The following PCNX1 variants were observed in gnomAD, a reference collection of about 807,000 sequenced individuals.
PCNX1 encodes the protein pecanex 1.
In PCNX1, 78 loss-of-function variants were observed where a neutral mutation model predicts 242.2. The observed-to-expected ratio is 0.32, with a 90% CI of 0.27 to 0.39. The LOEUF is 0.39. Ranked by LOEUF, PCNX1 falls within the 10% of genes least tolerant of loss-of-function variation. The pLI, the probability that PCNX1 is intolerant of heterozygous loss-of-function variation, is 1.00. For synonymous variants in PCNX1, 1,024 were observed against 1,032.9 expected (o/e 0.99, Z 0.17); for missense variants, 2,581 against 2,856.5 (o/e 0.90, Z 2.20).
intron 28 of PCNX1, among the ~76,000 whole-genome samples, chr14:71,086,148 T>A (rs2061984092): frequency 6.6e-6 from 1 of 152,246 alleles, no homozygotes; most frequent in Non-Finnish European, 1.5e-5. Flanking sequence ...ATTTTGTGTC[T>A]CTAGAAGTTT....
At position 70,977,078 on chromosome 14, in the gene PCNX1, C is replaced by T; in HGVS notation, c.741C>T (p.His247=). 5 of 1,614,160 alleles carry T rather than the reference C, an allele frequency of 3.1e-6. No homozygotes were observed. Among genetic ancestry groups the T allele is most frequent in the Non-Finnish European group, 3.4e-6 (4 of 1,180,032 alleles). ...SDKVNLPSHN[H]HHHVDQSLSS... is the part of the protein sequence containing the mutation. Reference sequence around the variant, plus strand: ...AAGTGAACCTGCCAAGTCATAACCACCACCACCATGTTGATCAGTCTCTGT... The same window carrying T: ...AAGTGAACCTGCCAAGTCATAACCATCACCACCATGTTGATCAGTCTCTGT... The change falls in exon 6 of 36, where the codon CAC becomes CAT. Residue 247 remains histidine (H), a synonymous_variant. Transcript: ENST00000304743.
chr14:71,083,254 A>T (rs2061900965), intron 28 of PCNX1, among the ~76,000 whole-genome samples: 2 of 152,138 alleles, frequency 1.3e-5, no homozygotes, highest in Admixed American at 1.3e-4. Context: ...TTTGTGGGTA[A>T]TCCGACCTTT....
chr14:70,965,325 T>G (rs2058344276), intron 3 of PCNX1: 1 of 152,146 alleles, frequency 6.6e-6, no homozygotes, highest in African/African-American at 2.4e-5. Flanking sequence ...GATTGTGATC[T>G]CATAGTAGGT....
At chr14:70,944,013 TG>T (rs1228327394) in intron 1 of PCNX1, among the ~76,000 whole-genome samples, 1 of 152,220 alleles carries the variant, frequency 6.6e-6, no homozygotes. Flanking sequence ...CCTGGATGTC[TG>T]GGCAGAAGTC....
At chr14:71,080,114 T>C (rs1193114342) in intron 28 of PCNX1, among the ~76,000 whole-genome samples, 1 of 152,200 alleles carries the variant, frequency 6.6e-6, no homozygotes, top group Non-Finnish European at 1.5e-5. Flanking sequence ...CCCAGCACCA[T>C]TTATTAAATA....
chr14:70,983,778 A>AT lies in PCNX1; in HGVS notation c.2312-4783dup, dbSNP rs996809460. On this transcript the variant is annotated intron_variant, in intron 6 of 35. Coordinates refer to ENST00000304743, the MANE Select transcript of PCNX1 (RefSeq NM_014982.3). ...CTTAAAAACATTTATTTATTTACTT[A>AT]TTTTTTGTTATTTCCAACAAGAATG... 2.6e-5 allele frequency among the ~76,000 whole-genome samples: 4 copies of AT among 151,472 alleles called. 1 individual carries two copies. Among genetic ancestry groups the AT allele is most frequent in the Non-Finnish European group, 5.9e-5 (4 of 67,624 alleles).
rs191642294 is a variant in PCNX1, at chr14:71,008,558, A to T, written c.2630-1076A>T. Among the ~76,000 whole-genome samples the T allele has an allele frequency of 8.9e-3, 1,299 of 145,778 alleles. 26 individuals are homozygous for T. Among genetic ancestry groups the T allele is most frequent in the African/African-American group, 0.031 (1,225 of 39,656 alleles). ...GTAGTCCCAGCTACTCGGGAGGCTG[A>T]GGCAGGAGAATGGTGTGAACCCGGG... On this transcript the variant is annotated intron_variant, in intron 8 of 35. Coordinates refer to ENST00000304743, the MANE Select transcript of PCNX1 (RefSeq NM_014982.3).
Position 71,013,077 on chromosome 14 carries a change from A to G in PCNX1, c.2871A>G (p.Ala957=), listed in dbSNP as rs1172512803. The change falls in exon 11 of 36, where the codon GCA becomes GCG. Residue 957 remains alanine (A), a synonymous_variant. Transcript: ENST00000304743. ...QQDIDLSPDL[A]ATYGPTEEAA... ...ACATTGATCTAAGCCCTGACTTGGCAGCTACTTACGGCCCAACAGAAGAAG... is the reference window on the plus strand; with the variant it reads ...ACATTGATCTAAGCCCTGACTTGGCGGCTACTTACGGCCCAACAGAAGAAG... The G allele has an allele frequency of 1.2e-6, 2 of 1,614,106 alleles. No individual in the cohort carries two copies. Among genetic ancestry groups the G allele is most frequent in the South Asian group, 1.1e-5 (1 of 91,082 alleles).
intron 26 of PCNX1, among the ~76,000 whole-genome samples, chr14:71,064,204 TA>T (rs1192052659): frequency 6.6e-6 from 1 of 152,136 alleles, no homozygotes; most frequent in Non-Finnish European, 1.5e-5. Flanking sequence ...TTAATATTAA[TA>T]ATTGAAAACA....
At chr14:71,003,920 A>G (rs2059582362) in intron 8 of PCNX1, among the ~76,000 whole-genome samples, 1 of 152,224 alleles carries the variant, frequency 6.6e-6, no homozygotes, top group African/African-American at 2.4e-5. Flanking sequence ...ATACTAAGAA[A>G]AAAGACTTGT....
chr14:71,046,540 C>G (rs61990407), intron 20 of PCNX1, among the ~76,000 whole-genome samples: 5 of 152,014 alleles, frequency 3.3e-5, no homozygotes, highest in Admixed American at 3.3e-4. Context: ...ATCCTAGACA[C>G]TTTCCCCAAT....
chr14:70,980,609 G>C (rs1487088023), intron 6 of PCNX1, among the ~76,000 whole-genome samples: 1 of 152,082 alleles, frequency 6.6e-6, no homozygotes, highest in East Asian at 1.9e-4. Context: ...ACTAAATATA[G>C]GGGTTTTGTT....
Position 70,978,007 on chromosome 14 carries a change from A to C in PCNX1, c.1670A>C (p.His557Pro), listed in dbSNP as rs189166642. 1 of 1,614,182 alleles carries C rather than the reference A, an allele frequency of 6.2e-7. No individual in the cohort carries two copies. Among genetic ancestry groups the C allele is most frequent in the Non-Finnish European group, 8.5e-7 (1 of 1,180,034 alleles). Residue 557 changes from histidine (H) to proline (P), a missense_variant, in exon 6 of 36, where the codon CAC (histidine) becomes CCC (proline). His to Pro is a moderately conservative substitution (Grantham distance 77, BLOSUM62 -2). Coordinates refer to ENST00000304743, the MANE Select transcript of PCNX1 (RefSeq NM_014982.3). ...GTAATCCATCGGACAGCTTCTGCCC[A>C]CAAGTCAGGCAGGAGACGCACAGGA... ...SSVIHRTASAHKSGRRRTGKK... is the reference protein window; with the variant it reads ...SSVIHRTASAPKSGRRRTGKK...
intron 26 of PCNX1, among the ~76,000 whole-genome samples, chr14:71,058,246 C>T (rs1356616855): frequency 2.6e-5 from 4 of 152,210 alleles, no homozygotes; most frequent in Non-Finnish European, 5.9e-5. Context: ...GCCACCACCT[C>T]TGTCTCATTC....
chr14:70,928,201 T>A (rs764780603), intron 1 of PCNX1, among the ~76,000 whole-genome samples: 1 of 152,184 alleles, frequency 6.6e-6, no homozygotes, highest in Non-Finnish European at 1.5e-5. Flanking sequence ...TCTCATTGTT[T>A]TTAATGTATT....
At chr14:70,942,332 A>G (rs1392184101) in intron 1 of PCNX1, among the ~76,000 whole-genome samples, 1 of 152,238 alleles carries the variant, frequency 6.6e-6, no homozygotes, top group African/African-American at 2.4e-5. Flanking sequence ...TTTTAAATAA[A>G]GACCTTATCA....
intron 1 of PCNX1, among the ~76,000 whole-genome samples, chr14:70,943,425 G>C (rs1035964058): frequency 3.9e-5 from 6 of 152,206 alleles, no homozygotes; most frequent in African/African-American, 1.4e-4. Context: ...CTCTTGCTAT[G>C]CTTTATTAGC....
Position 71,109,015 on chromosome 14 carries a change from C to G in PCNX1, c.6713C>G (p.Ser2238Cys). Residue 2238 changes from serine (S) to cysteine (C), a missense_variant, in exon 34 of 36, where the codon TCC becomes TGC. Around this residue, in one of 9 missense-constraint regions of PCNX1, gnomAD observed 432 missense variants for 433.6 expected, o/e 1.00. Transcript: ENST00000304743. ...NTLSPANNSH[S>C]RKAEVIYRVQ... ...TTAAGTCCTGCCAACAATTCACACT[C>G]CAGAAAGGCAGAAGTGATTTACAGA... The G allele has an allele frequency of 3.1e-6, 5 of 1,613,548 alleles. No homozygotes were observed. The highest frequency in any genetic ancestry group is 4.2e-6 in the Non-Finnish European group (5 of 1,179,652).
At position 71,071,570 on chromosome 14, in the gene PCNX1, T is replaced by C. The variant is rs1005119909; in HGVS notation, c.4853-1975T>C. Among the ~76,000 whole-genome samples the C allele has an allele frequency of 5.3e-5, 8 of 152,270 alleles. No individual in the cohort carries two copies. In the East Asian group the frequency reaches 7.7e-4, roughly 15 times the overall value. On this transcript the variant is annotated intron_variant, in intron 26 of 35. Transcript: ENST00000304743. ...AGCGCCTCCCCCTTAACCCTATTCC[T>C]TCTGCTCCAGCATGTAAAATGTGCT...
Sources: allele counts gnomAD v4.1 joint callset (sites outside exome capture counted in the v4.1 genomes callset), GRCh38; gene constraint gnomAD v4.1.1; regional missense constraint gnomAD v4.1.1; transcripts MANE v1.5; gene names NCBI Gene and HGNC (gene_info 2026-07-23, HGNC 2026-07-21).